The following CCBE1 variants were observed in gnomAD, a reference collection of about 807,000 sequenced individuals.
CCBE1 encodes the protein collagen and calcium-binding EGF domain-containing protein 1.
Under a neutral mutation model 50.0 loss-of-function variants are expected in CCBE1, and 37 were observed. The ratio of observed to expected loss-of-function variants is 0.74; its 90% CI spans 0.57 to 0.97. The LOEUF (loss-of-function observed/expected upper bound fraction) is 0.97, where lower values mean the gene tolerates loss of function less well. CCBE1 is among the 50% of genes least tolerant of loss of function. CCBE1 has a pLI of 0.00. For missense variants in CCBE1, 538 were observed against 523.8 expected, an observed-to-expected ratio of 1.03 and a Z score of -0.26; for synonymous variants, 234 against 203.7, an observed-to-expected ratio of 1.15 and a Z score of -1.27.
chr18:59,612,586 G>A (rs1336271882), intron 2 of CCBE1, among the ~76,000 whole-genome samples: 1 of 152,170 alleles, frequency 6.6e-6, no homozygotes, highest in Non-Finnish European at 1.5e-5. Flanking sequence ...TTATTTGTCA[G>A]GAACTGGGCT....
rs763112456 is a variant in CCBE1 at position 59,435,917 on chromosome 18, G to A, written c.1212C>T (p.Phe404=). Residue 404 remains phenylalanine, a synonymous_variant, in exon 11 of 11, where the codon TTC becomes TTT. Transcript: ENST00000439986. ...ETRDLRAPRD[F]YP ...ACGGTGTTGGGATGTGCTATGGGTA[G>A]AAGTCTCTGGGGGCTCTCAAGTCTC... 90 of 1,613,868 alleles carry A rather than the reference G, an allele frequency of 5.6e-5. 2 individuals are homozygous for A. The Middle Eastern group carries it at 6.6e-4, about 12-fold the overall frequency.
chr18:59,658,101 T>C (rs540268510), intron 2 of CCBE1, among the ~76,000 whole-genome samples: 6 of 151,450 alleles, frequency 4.0e-5, no homozygotes, highest in Admixed American at 3.3e-4. Flanking sequence ...TGTCAGTTTA[T>C]GCATCTGTAA....
chr18:59,502,071 G>A (rs1036963398), intron 2 of CCBE1, among the ~76,000 whole-genome samples: 3 of 152,166 alleles, frequency 2.0e-5, no homozygotes, highest in East Asian at 3.8e-4. Flanking sequence ...CAAGTGCTGG[G>A]ATTACAGGCA....
At chr18:59,597,914 G>T (rs970746914) in intron 2 of CCBE1, among the ~76,000 whole-genome samples, 1 of 152,172 alleles carries the variant, frequency 6.6e-6, no homozygotes, top group Non-Finnish European at 1.5e-5. Context: ...GAAGAAAAGG[G>T]TAAATAGTTT....
At chr18:59,543,705 G>A (rs141162817) in intron 2 of CCBE1, among the ~76,000 whole-genome samples, 10,512 of 152,096 alleles carry the variant, frequency 0.069, 414 homozygotes, top group African/African-American at 0.084. Context: ...TGTGGTGGCG[G>A]GCGCCTGTAG....
intron 2 of CCBE1, among the ~76,000 whole-genome samples, chr18:59,545,145 T>TC (rs760814624): frequency 1.3e-5 from 2 of 152,198 alleles, no homozygotes; most frequent in Non-Finnish European, 2.9e-5. Context: ...CATGAGCAGA[T>TC]CTTCAGGTAT....
At chr18:59,538,497 C>T (rs1212962976) in intron 2 of CCBE1, among the ~76,000 whole-genome samples, 2 of 152,114 alleles carry the variant, frequency 1.3e-5, no homozygotes, top group African/African-American at 4.8e-5. Flanking sequence ...ATTTTCTTGG[C>T]CATCTGATTA....
At chr18:59,552,236 T>TA (rs1915955562) in intron 2 of CCBE1, among the ~76,000 whole-genome samples, 1 of 152,210 alleles carries the variant, frequency 6.6e-6, no homozygotes, top group African/African-American at 2.4e-5. Context: ...GGGCACATTC[T>TA]ACCAGTCAAT....
At chr18:59,656,820 A>G (rs1193277326) in intron 2 of CCBE1, among the ~76,000 whole-genome samples, 11 of 152,222 alleles carry the variant, frequency 7.2e-5, no homozygotes. Flanking sequence ...CGTTGGTTAC[A>G]GAGTGTAGAC....
chr18:59,461,988 C>T (rs1175258332), intron 5 of CCBE1, among the ~76,000 whole-genome samples: 1 of 152,098 alleles, frequency 6.6e-6, no homozygotes, highest in East Asian at 1.9e-4. Flanking sequence ...ACCGCCTCAG[C>T]CTCCCAAAGT....
chr18:59,503,776 C>T (rs1192300449), intron 2 of CCBE1, among the ~76,000 whole-genome samples: 1 of 152,168 alleles, frequency 6.6e-6, no homozygotes, highest in Non-Finnish European at 1.5e-5. Context: ...CAAAGTACAA[C>T]AGGCCCCACT....
chr18:59,663,897 C>T (rs910192521), intron 2 of CCBE1, among the ~76,000 whole-genome samples: 2 of 152,080 alleles, frequency 1.3e-5, no homozygotes, highest in African/African-American at 2.4e-5. Context: ...TAACCAAGAT[C>T]GAAAACACAA....
intron 2 of CCBE1, among the ~76,000 whole-genome samples, chr18:59,672,008 G>T (rs1448668926): frequency 6.6e-6 from 1 of 152,198 alleles, no homozygotes; most frequent in Non-Finnish European, 1.5e-5. Context: ...AAGGACTTCA[G>T]CCATGGACGT....
intron 2 of CCBE1, among the ~76,000 whole-genome samples, chr18:59,518,374 C>G (rs1286282346): frequency 6.6e-6 from 1 of 152,138 alleles, no homozygotes; most frequent in East Asian, 1.9e-4. Context: ...GCCTGTAATT[C>G]TAGCTACTTG....
chr18:59,502,709 C>T (rs993946663), intron 2 of CCBE1, among the ~76,000 whole-genome samples: 2 of 152,002 alleles, frequency 1.3e-5, no homozygotes, highest in African/African-American at 4.8e-5. Context: ...AAAAAAGGCA[C>T]AGCAGATACA....
rs1403769630 is a variant in CCBE1 at position 59,447,974 on chromosome 18, C to T, written c.775+9G>A. ...GTGATCACCCTCCTGTGCCCTCTTC[C>T]ACACTCACCGGGAGGGCCCTGGCCC... On this transcript the variant is annotated intron_variant, in intron 7 of 10. Coordinates refer to ENST00000439986, the MANE Select transcript of CCBE1 (RefSeq NM_133459.4). 6.2e-7 allele frequency: 1 copy of T among 1,614,104 alleles called. No individual in the cohort carries two copies. The highest frequency in any genetic ancestry group is 8.5e-7 in the Non-Finnish European group (1 of 1,180,004).
At chr18:59,634,004 G>A (rs530721551) in intron 2 of CCBE1, among the ~76,000 whole-genome samples, 15 of 152,328 alleles carry the variant, frequency 9.8e-5, no homozygotes, top group East Asian at 3.9e-4. Flanking sequence ...TGCAGGAACT[G>A]CATTAAATGT....
At chr18:59,696,494 G>A in intron 2 of CCBE1, 135 bp downstream of exon 2, 5 of 1,536,500 alleles carry the variant, frequency 3.3e-6, no homozygotes, top group Non-Finnish European at 4.4e-6. Flanking sequence ...GCACCGCGCG[G>A]CACGCACCCA....
At chr18:59,439,884 G>T in intron 7 of CCBE1, 68 bp from the exon 8 acceptor site, 2 of 1,547,378 alleles carry the variant, frequency 1.3e-6, no homozygotes, top group East Asian at 2.2e-5. Flanking sequence ...GCTAACAAGA[G>T]TCCAGGACCC....
Sources: allele counts gnomAD v4.1 joint callset (sites outside exome capture counted in the v4.1 genomes callset), GRCh38; gene constraint gnomAD v4.1.1; transcripts MANE v1.5; gene names NCBI Gene and HGNC (gene_info 2026-07-23, HGNC 2026-07-21).